Variants in AKAP9 observed in about 807,000 individuals in gnomAD.
The protein encoded by AKAP9 is A-kinase anchor protein 9.
AKAP9 carries 311 observed loss-of-function variants against 488.5 expected under a neutral mutation model. The ratio of observed to expected loss-of-function variants is 0.64; its 90% CI spans 0.58 to 0.70. AKAP9 has a LOEUF of 0.70. Among genes scored for constraint, AKAP9 ranks in the 30% least tolerant of loss-of-function variants. AKAP9 has a pLI of 0.00. For synonymous variants in AKAP9, 1,462 were observed against 1,483.5 expected, an observed-to-expected ratio of 0.99 and a Z score of 0.33; for missense variants, 4,215 against 4,374.5, an observed-to-expected ratio of 0.96 and a Z score of 1.03.
At chr7:91,950,964 T>C (rs1233471068) in intron 1 of AKAP9, among the ~76,000 whole-genome samples, 5 of 152,178 alleles carry the variant, frequency 3.3e-5, no homozygotes, top group African/African-American at 9.7e-5. Flanking sequence ...TTTTAATTTG[T>C]ATAAATTCAT....
chr7:91,961,812 C>T (rs189121644), intron 1 of AKAP9, among the ~76,000 whole-genome samples: 2 of 151,980 alleles, frequency 1.3e-5, no homozygotes, highest in East Asian at 3.9e-4. Flanking sequence ...CCACTGCACT[C>T]CAGCCTGGGC....
Position 91,972,089 on chromosome 7 carries a change from A to C in AKAP9, c.49-1622A>C, listed in dbSNP as rs528506105. Among the ~76,000 whole-genome samples the C allele has an allele frequency of 5.3e-5, 8 of 151,244 alleles. No homozygotes were observed. The South Asian group carries it at 1.7e-3, about 32-fold the overall frequency. On this transcript the variant is annotated intron_variant, in intron 1 of 49. Transcript: ENST00000356239. Reference sequence around the variant, plus strand: ...CCAGTTTGCTTCAGTTCTAGTAAACAATCAGTGTTATCCATCCTTGATCGG... The same window carrying C: ...CCAGTTTGCTTCAGTTCTAGTAAACCATCAGTGTTATCCATCCTTGATCGG...
chr7:92,077,097 T>TA lies in AKAP9; in HGVS notation c.6765+90_6765+91insA, dbSNP rs1491550014. ...TATTATTATTATTATTATTTCTTTC[T>TA]TTTTTTTTTTTTTTTTGAGACTTAG... On this transcript the variant is annotated intron_variant, in intron 29 of 49. Transcript: ENST00000356239. The TA allele has an allele frequency of 1.1e-4, 24 of 227,596 alleles. No homozygotes were observed. In the South Asian group the frequency reaches 4.0e-3, roughly 38 times the overall value. The allele number at this position is 227,596 out of a possible 1,614,324, so 14.1% of individuals were successfully genotyped here.
At chr7:92,040,219 C>T (rs1805842573) in intron 17 of AKAP9, among the ~76,000 whole-genome samples, 1 of 152,104 alleles carries the variant, frequency 6.6e-6, no homozygotes, top group African/African-American at 2.4e-5. Flanking sequence ...ATCAGTAGTT[C>T]TCTGTAGTAC....
At chr7:92,100,780 A>T in intron 44 of AKAP9, 76 bp from the exon 45 acceptor site, 1 of 1,550,268 alleles carries the variant, frequency 6.5e-7, no homozygotes, top group African/African-American at 1.4e-5. Context: ...CTGCATCATC[A>T]TGCAGATATC....
intron 2 of AKAP9, among the ~76,000 whole-genome samples, chr7:91,977,988 TC>T (rs1795915320): frequency 6.6e-6 from 1 of 152,130 alleles, no homozygotes; most frequent in Non-Finnish European, 1.5e-5. Flanking sequence ...ACGCCTGTAA[TC>T]CCAGCATTTT....
chr7:91,953,071 TGAG>T (rs928946241), intron 1 of AKAP9, among the ~76,000 whole-genome samples: 1 of 152,128 alleles, frequency 6.6e-6, no homozygotes, highest in Non-Finnish European at 1.5e-5. Context: ...GAGGATAGGT[TGAG>T]GAGGATAAAA....
At chr7:92,059,655 T>C (rs1809404636) in intron 22 of AKAP9, among the ~76,000 whole-genome samples, 1 of 151,798 alleles carries the variant, frequency 6.6e-6, no homozygotes. Context: ...GCATATCCTT[T>C]TTAGTTACAT....
chr7:92,023,917 GC>G (rs1385883825), intron 14 of AKAP9, among the ~76,000 whole-genome samples: 1 of 152,034 alleles, frequency 6.6e-6, no homozygotes, highest in Non-Finnish European at 1.5e-5. Flanking sequence ...CCAGATACAT[GC>G]CTGGCCAACA....
chr7:91,979,470 A>G (rs1796118804), intron 2 of AKAP9, among the ~76,000 whole-genome samples: 1 of 152,192 alleles, frequency 6.6e-6, no homozygotes, highest in Non-Finnish European at 1.5e-5. Flanking sequence ...TATGGGAGCT[A>G]CAATTCAAGA....
chr7:92,080,826 C>T (rs190616378), intron 31 of AKAP9, among the ~76,000 whole-genome samples: 2 of 152,216 alleles, frequency 1.3e-5, no homozygotes, highest in African/African-American at 2.4e-5. Flanking sequence ...CCAGTCTGCT[C>T]AGTTGACTGC....
chr7:91,965,325 G>A (rs970627069), intron 1 of AKAP9, among the ~76,000 whole-genome samples: 2 of 152,068 alleles, frequency 1.3e-5, no homozygotes. Context: ...ACTTAACATA[G>A]TGCCCTCCAT....
chr7:91,998,208 C>T (rs1372539842), intron 7 of AKAP9, among the ~76,000 whole-genome samples: 5 of 152,084 alleles, frequency 3.3e-5, no homozygotes, highest in Non-Finnish European at 4.4e-5. Context: ...TTGCTTACCT[C>T]CTGCTGTGTG....
intron 3 of AKAP9, among the ~76,000 whole-genome samples, chr7:91,986,147 A>G (rs969141768): frequency 3.9e-5 from 6 of 152,128 alleles, no homozygotes; most frequent in Admixed American, 6.6e-5. Context: ...GGGAGGGTGT[A>G]TGTGTCCAGG....
rs1257470952 is a variant in AKAP9 at position 92,091,662 on chromosome 7, G to A, written c.9359-1435G>A. Among the ~76,000 whole-genome samples, 9 of 151,232 alleles carry A rather than the reference G, an allele frequency of 6.0e-5. No homozygotes were observed. The East Asian group carries it at 1.7e-3, about 29-fold the overall frequency. ...GTTTAAGAAGGAAAAAAAAAAGCAG[G>A]TTAAAATTACTTCAGAAAAGAGAGT... On this transcript the variant is annotated intron_variant, in intron 38 of 49. Coordinates refer to ENST00000356239, the MANE Select transcript of AKAP9 (RefSeq NM_005751.5).
chr7:91,984,084 C>G (rs1368215948), intron 3 of AKAP9, among the ~76,000 whole-genome samples: 3 of 152,222 alleles, frequency 2.0e-5, no homozygotes, highest in East Asian at 1.9e-4. Flanking sequence ...TGTAGGTTGC[C>G]TTTTCACTCT....
chr7:92,079,242 C>T lies in AKAP9; in HGVS notation c.7109C>T (p.Thr2370Ile), dbSNP rs1182780608. 1 of 1,614,040 alleles carries T rather than the reference C, an allele frequency of 6.2e-7. No homozygotes were observed. The highest frequency in any genetic ancestry group is 1.7e-5 in the Admixed American group (1 of 60,014). Reference protein sequence around the residue: ...QQELANIGQKTSMNAHSLSEE... With the variant: ...QQELANIGQKISMNAHSLSEE... ...GAATTGGCAAATATTGGACAGAAGACATCAATGAATGCTCATTCCCTCTCA... is the reference window on the plus strand; with the variant it reads ...GAATTGGCAAATATTGGACAGAAGATATCAATGAATGCTCATTCCCTCTCA... Residue 2370 changes from threonine to isoleucine, a missense_variant, in exon 31 of 50, where the codon ACA becomes ATA. Around this residue, in one of 5 missense-constraint regions of AKAP9, gnomAD observed 1,476 missense variants for 1,477.4 expected, o/e 1.00. Transcript: ENST00000356239.
intron 5 of AKAP9, 33 bp from the exon 6 acceptor site, chr7:91,994,588 A>AAAAT: frequency 1.9e-6 from 3 of 1,568,160 alleles, no homozygotes; most frequent in Non-Finnish European, 2.6e-6. Context: ...TCAATTAAAA[A>AAAAT]AAATAAATCT....
chr7:92,016,352 A>G (rs2130714205), intron 11 of AKAP9, 85 bp downstream of exon 11: 1 of 1,001,052 alleles, frequency 1.0e-6, no homozygotes. Context: ...ATTATGATTT[A>G]ATCACCCAGC....
Sources: gnomAD v4.1 joint callset for allele counts (sites outside exome capture counted in the v4.1 genomes callset) on GRCh38, gnomAD v4.1.1 for gene constraint, gnomAD v4.1.1 regional missense constraint, MANE v1.5 for transcripts, NCBI Gene and HGNC (gene_info 2026-07-23, HGNC 2026-07-21) for gene names.